CSE1L: variants seen among roughly 807,000 people sequenced by gnomAD.
CSE1L encodes the protein exportin-2.
Under a neutral mutation model 120.4 loss-of-function variants are expected in CSE1L, and 24 were observed. The ratio of observed to expected loss-of-function variants is 0.20; its 90% CI spans 0.14 to 0.28. The LOEUF (loss-of-function observed/expected upper bound fraction) is 0.28. CSE1L is among the 10% of genes least tolerant of loss of function. The pLI is 1.00. For missense variants in CSE1L, 830 were observed against 1,145.2 expected (o/e 0.72, Z 3.97); for synonymous variants, 402 against 398.3 (o/e 1.01, Z -0.11).
chr20:49,072,206 G>C, intron 8 of CSE1L, 80 bp from the exon 9 acceptor site: 1 of 1,455,758 alleles, frequency 6.9e-7, no homozygotes, highest in Non-Finnish European at 9.4e-7. Context: ...AAAGAGTCTA[G>C]TTCAGGAATT....
intron 14 of CSE1L, among the ~76,000 whole-genome samples, chr20:49,079,186 C>CCCAA (rs2091991359): frequency 1.3e-5 from 2 of 151,620 alleles, no homozygotes; most frequent in Admixed American, 6.6e-5. Context: ...AGCCACTGCA[C>CCCAA]CCAACTGCCT....
At chr20:49,066,653 T>C in intron 5 of CSE1L, 143 bp downstream of exon 5, 3 of 736,276 alleles carry the variant, frequency 4.1e-6, no homozygotes, top group Non-Finnish European at 6.5e-6. Context: ...ATTGCGTTTG[T>C]TTCTTCTCAA....
chr20:49,076,051 C>T (rs1600614483), intron 12 of CSE1L, among the ~76,000 whole-genome samples: 1 of 152,158 alleles, frequency 6.6e-6, no homozygotes, highest in East Asian at 1.9e-4. Flanking sequence ...AGGATGGTCT[C>T]AAATTCCTGA....
At chr20:49,091,318 G>A (rs60425337) in intron 21 of CSE1L, among the ~76,000 whole-genome samples, 6,979 of 151,736 alleles carry the variant, frequency 0.046, 489 homozygotes, top group African/African-American at 0.15. Context: ...GCAGCTGCTT[G>A]GGAGGCTGAA....
chr20:49,050,690 C>T (rs1057152695), intron 1 of CSE1L, among the ~76,000 whole-genome samples: 3 of 151,228 alleles, frequency 2.0e-5, no homozygotes, highest in African/African-American at 7.3e-5. Flanking sequence ...GGATTACAGA[C>T]GTAAGCCACC....
chr20:49,090,725 A>G lies in CSE1L; in HGVS notation c.2182-17A>G, dbSNP rs750591665. On this transcript the variant is annotated splice_polypyrimidine_tract_variant and intron_variant, in intron 19 of 24. Coordinates refer to ENST00000262982, the MANE Select transcript of CSE1L (RefSeq NM_001316.4). ...ATTCCTGTTAACCATTTTCTGTTGG[A>G]TCTCATTTCTTAACAGCCTGGGTTA... is the stretch of plus-strand genomic sequence containing the variant. 6.3e-7 allele frequency: 1 copy of G among 1,599,410 alleles called. No homozygotes were observed. Among genetic ancestry groups the G allele is most frequent in the Admixed American group, 1.7e-5 (1 of 59,262 alleles).
At chr20:49,065,157 C>CA (rs3091720) in intron 3 of CSE1L, among the ~76,000 whole-genome samples, 24 of 133,692 alleles carry the variant, frequency 1.8e-4, no homozygotes, top group Non-Finnish European at 3.3e-4. Context: ...AACCCAGTCT[C>CA]AAAAAAAAAA....
intron 1 of CSE1L, among the ~76,000 whole-genome samples, chr20:49,050,901 T>C (rs2091762010): frequency 6.6e-6 from 1 of 152,144 alleles, no homozygotes; most frequent in Non-Finnish European, 1.5e-5. Flanking sequence ...GTCCACCTCT[T>C]TCTGTTTGAC....
intron 13 of CSE1L, among the ~76,000 whole-genome samples, chr20:49,078,096 G>T (rs2091983181): frequency 6.6e-6 from 1 of 152,146 alleles, no homozygotes; most frequent in Non-Finnish European, 1.5e-5. Context: ...TTTAATGTAG[G>T]AAATTTATGT....
intron 14 of CSE1L, among the ~76,000 whole-genome samples, chr20:49,079,263 G>T (rs2091992329): frequency 2.0e-5 from 3 of 151,572 alleles, no homozygotes; most frequent in Admixed American, 2.0e-4. Context: ...ATCTCACTCT[G>T]TCACCCAGGC....
In CSE1L at chr20:49,090,946, T is replaced by A; in HGVS notation, c.2289T>A (p.Val763=). 1 of 1,608,228 alleles carries A rather than the reference T, an allele frequency of 6.2e-7. No individual in the cohort carries two copies. The highest frequency in any genetic ancestry group is 8.5e-7 in the Non-Finnish European group (1 of 1,176,570). ...TTTTTTAATTCTTTAGTGAATCAGT[T>A]GACCAATATAGGAAACAAATCTTCA... is the stretch of plus-strand genomic sequence containing the variant. The part of the protein sequence containing the change: ...SIIEHMPPES[V]DQYRKQIFIL... The change falls in exon 21 of 25, where the codon GTT becomes GTA. Residue 763 remains valine, a synonymous_variant. Coordinates refer to ENST00000262982, the MANE Select transcript of CSE1L (RefSeq NM_001316.4).
intron 14 of CSE1L, among the ~76,000 whole-genome samples, chr20:49,081,256 G>C (rs1335407878): frequency 6.6e-6 from 1 of 151,844 alleles, no homozygotes; most frequent in Non-Finnish European, 1.5e-5. Context: ...AAAGTGCTGG[G>C]ATTATAGGCG....
At chr20:49,087,981 TTG>T in intron 16 of CSE1L, 26 bp from the exon 17 acceptor site, 1 of 1,460,490 alleles carries the variant, frequency 6.8e-7, no homozygotes, top group Non-Finnish European at 9.5e-7. Flanking sequence ...TAAACTCTAT[TTG>T]TTTTTGCTGT....
intron 21 of CSE1L, among the ~76,000 whole-genome samples, chr20:49,091,305 G>T (rs1456712891): frequency 6.6e-6 from 1 of 151,356 alleles, no homozygotes; most frequent in Non-Finnish European, 1.5e-5. Flanking sequence ...TGTGCCTGTA[G>T]TCGCAGCTGC....
rs987644498 is a variant in CSE1L, at chr20:49,046,363, G to T, written c.-72G>T. The T allele has an allele frequency of 3.9e-5, 6 of 152,620 alleles. No individual in the cohort carries two copies. Among genetic ancestry groups the T allele is most frequent in the African/African-American group, 1.4e-4 (6 of 41,472 alleles). 9.5% of individuals were successfully genotyped at this position (152,620 alleles called of 1,614,324 possible). On this transcript the variant is annotated 5_prime_UTR_variant, in exon 1 of 25. Coordinates refer to ENST00000262982, the MANE Select transcript of CSE1L (RefSeq NM_001316.4). ...TGTGAGGCGGAGCGGCGGCAGGAGC[G>T]GGTAGTGCCAGCTACGGTCCGCGGC...
rs879008152 is a variant in CSE1L, at chr20:49,089,468, A to T, written c.1973-70A>T. 99 of 1,596,400 alleles carry T rather than the reference A, an allele frequency of 6.2e-5. 1 individual carries two copies. In the South Asian group the frequency reaches 1.0e-3, roughly 17 times the overall value. ...ATGGCTATAAAATGCAGCCCACCTAAGCGATGTGGGCCTTTTGTGTCAGTC... is the reference window on the plus strand; with the variant it reads ...ATGGCTATAAAATGCAGCCCACCTATGCGATGTGGGCCTTTTGTGTCAGTC... On this transcript the variant is annotated intron_variant, in intron 18 of 24. Transcript: ENST00000262982.
chr20:49,050,456 G>A (rs1330180017), intron 1 of CSE1L, among the ~76,000 whole-genome samples: 1 of 140,714 alleles, frequency 7.1e-6, no homozygotes, highest in Non-Finnish European at 1.5e-5. Context: ...GAGCTAGAGT[G>A]CAATGGTGCA....
intron 13 of CSE1L, among the ~76,000 whole-genome samples, chr20:49,077,634 CCTTTT>C (rs1355879942): frequency 2.4e-4 from 37 of 152,124 alleles, no homozygotes; most frequent in African/African-American, 8.2e-4. Context: ...ACATTGGCTT[CCTTTT>C]CTTTTTTATT....
intron 2 of CSE1L, among the ~76,000 whole-genome samples, chr20:49,061,159 T>C (rs976741838): frequency 2.7e-5 from 4 of 148,910 alleles, no homozygotes; most frequent in African/African-American, 1.0e-4. Flanking sequence ...TTGCCAACAC[T>C]ATTAAAAATT....
Sources: gnomAD v4.1 joint callset for allele counts (sites outside exome capture counted in the v4.1 genomes callset) on GRCh38, gnomAD v4.1.1 for gene constraint, MANE v1.5 for transcripts, NCBI Gene and HGNC (gene_info 2026-07-23, HGNC 2026-07-21) for gene names.